The following VPS13B variants were observed in gnomAD, a reference collection of about 807,000 sequenced individuals.
VPS13B encodes the protein vacuolar protein sorting 13 homolog B, also known as intermembrane lipid transfer protein VPS13B.
In VPS13B, 285 loss-of-function variants were observed where a neutral mutation model predicts 426.4. The observed-to-expected ratio is 0.67, with a 90% confidence interval of 0.61 to 0.74. The LOEUF (loss-of-function observed/expected upper bound fraction) is 0.74, where lower values mean the gene tolerates loss of function less well. Among genes scored for constraint, VPS13B ranks in the 30% least tolerant of loss-of-function variants. VPS13B has a pLI of 0.00. For synonymous variants in VPS13B, 1,676 were observed against 1,676.4 expected, an observed-to-expected ratio of 1.00 and a Z score of 0.01; for missense variants, 4,537 against 4,782.6, an observed-to-expected ratio of 0.95 and a Z score of 1.51.
chr8:99,364,323 G>A (rs1026986673), intron 19 of VPS13B, among the ~76,000 whole-genome samples: 2 of 152,150 alleles, frequency 1.3e-5, no homozygotes, highest in Admixed American at 6.5e-5. Context: ...ACTTGGTCAT[G>A]ATGAATGTTT....
chr8:99,563,506 ATCAT>A (rs1825034544), intron 31 of VPS13B, among the ~76,000 whole-genome samples: 1 of 152,190 alleles, frequency 6.6e-6, no homozygotes, highest in African/African-American at 2.4e-5. Context: ...AAAATAGTCA[ATCAT>A]TCATTTCTCT....
intron 33 of VPS13B, among the ~76,000 whole-genome samples, chr8:99,588,858 G>A (rs1826444985): frequency 6.6e-6 from 1 of 151,778 alleles, no homozygotes; most frequent in African/African-American, 2.4e-5. Context: ...ATGTTGAATA[G>A]GAGTGGTGAG....
intron 19 of VPS13B, among the ~76,000 whole-genome samples, chr8:99,312,121 C>A (rs1182784263): frequency 6.6e-6 from 1 of 151,798 alleles, no homozygotes; most frequent in Non-Finnish European, 1.5e-5. Context: ...CTTGACTGTC[C>A]AATTTGCCAG....
At chr8:99,462,845 A>G (rs547841505) in intron 23 of VPS13B, among the ~76,000 whole-genome samples, 1 of 152,168 alleles carries the variant, frequency 6.6e-6, no homozygotes, top group Non-Finnish European at 1.5e-5. Context: ...GTGTGAGAAC[A>G]TGGCAAGAAG....
At chr8:99,542,943 C>G (rs1043361278) in intron 30 of VPS13B, among the ~76,000 whole-genome samples, 1 of 152,112 alleles carries the variant, frequency 6.6e-6, no homozygotes, top group Non-Finnish European at 1.5e-5. Context: ...ACTTTCTTCA[C>G]AGAATTGGAA....
chr8:99,168,459 A>T (rs1812142307), intron 15 of VPS13B, among the ~76,000 whole-genome samples: 1 of 152,090 alleles, frequency 6.6e-6, no homozygotes, highest in African/African-American at 2.4e-5. Context: ...AGGTAATATG[A>T]TGTGATAAAA....
In VPS13B at chr8:99,699,686, C is replaced by A; in HGVS notation, c.6208C>A (p.Leu2070Ile). The A allele has an allele frequency of 6.2e-7, 1 of 1,614,144 alleles. No individual in the cohort carries two copies. Among genetic ancestry groups the A allele is most frequent in the Non-Finnish European group, 8.5e-7 (1 of 1,180,030 alleles). The change falls in exon 36 of 62, where the codon CTT becomes ATT. Residue 2070 changes from leucine to isoleucine, a missense_variant. By Grantham distance (5) the Leu-to-Ile change is conservative. Coordinates refer to ENST00000357162, the MANE Select transcript of VPS13B (RefSeq NM_152564.5). ...MSNTMVNKDD[L>I]PVSKYYRGKL... is the part of the protein sequence containing the mutation. ...CAACACCATGGTGAATAAGGATGAT[C>A]TTCCAGTCTCCAAATATTACCGTGG...
At chr8:99,147,600 A>T (rs1001112832) in intron 13 of VPS13B, among the ~76,000 whole-genome samples, 8 of 152,080 alleles carry the variant, frequency 5.3e-5, no homozygotes, top group Non-Finnish European at 1.2e-4. Flanking sequence ...GAAATTGGGG[A>T]TTTCTTAAAG....
chr8:99,243,850 A>G (rs1817064787), intron 17 of VPS13B, among the ~76,000 whole-genome samples: 2 of 152,234 alleles, frequency 1.3e-5, no homozygotes, highest in Non-Finnish European at 2.9e-5. Context: ...TAATTTCTTC[A>G]AATTGCTCAC....
intron 17 of VPS13B, among the ~76,000 whole-genome samples, chr8:99,272,510 A>G (rs1240331475): frequency 2.0e-5 from 3 of 152,304 alleles, no homozygotes; most frequent in South Asian, 2.1e-4. Context: ...GATTAGAGTT[A>G]ATTGTCATTA....
chr8:99,329,041 C>G (rs891528936), intron 19 of VPS13B, among the ~76,000 whole-genome samples: 1 of 152,082 alleles, frequency 6.6e-6, no homozygotes, highest in African/African-American at 2.4e-5. Flanking sequence ...TGCTTCTTAG[C>G]TTACCACTAT....
chr8:99,016,586 C>CTTTTTTTT (rs754060289), intron 2 of VPS13B, among the ~76,000 whole-genome samples: 8 of 60,746 alleles, frequency 1.3e-4, no homozygotes, highest in Admixed American at 2.3e-4. Context: ...TATAGGAATT[C>CTTTTTTTT]TTTTTTTTTT....
intron 17 of VPS13B, among the ~76,000 whole-genome samples, chr8:99,213,841 G>T: frequency 1.3e-5 from 2 of 149,772 alleles, no homozygotes; most frequent in South Asian, 2.1e-4. Flanking sequence ...TTTTTGGCTG[G>T]GCCACATTCC....
At chr8:99,241,113 A>T (rs1816911360) in intron 17 of VPS13B, 1 of 152,234 alleles carries the variant, frequency 6.6e-6, no homozygotes, top group Non-Finnish European at 1.5e-5. Context: ...CACAGATGTA[A>T]AACTGCCAAC....
At chr8:99,020,904 G>A (rs1317392086) in intron 2 of VPS13B, among the ~76,000 whole-genome samples, 1 of 152,204 alleles carries the variant, frequency 6.6e-6, no homozygotes, top group Non-Finnish European at 1.5e-5. Flanking sequence ...TTTTTTAAGT[G>A]TTAGGAAGAA....
At chr8:99,478,759 A>AT (rs1819881653) in intron 24 of VPS13B, among the ~76,000 whole-genome samples, 1 of 149,618 alleles carries the variant, frequency 6.7e-6, no homozygotes, top group Non-Finnish European at 1.5e-5. Context: ...CGAGCTCTTG[A>AT]TTTTTGTTTT....
At chr8:99,169,255 A>G (rs1173904189) in intron 15 of VPS13B, among the ~76,000 whole-genome samples, 1 of 151,860 alleles carries the variant, frequency 6.6e-6, no homozygotes, top group Non-Finnish European at 1.5e-5. Flanking sequence ...GTGTATTTCC[A>G]CTCTGAGGTG....
At position 99,789,810 on chromosome 8, in the gene VPS13B, A is replaced by G. The variant is rs150701837; in HGVS notation, c.7941+5334A>G. ...TCAGAAAAGCAGAATATGAAATTCT[A>G]TGTATACAATGTGATCATAACAACA... On this transcript the variant is annotated intron_variant, in intron 43 of 61. Transcript: ENST00000357162. Among the ~76,000 whole-genome samples, 842 of 152,260 alleles carry G rather than the reference A, an allele frequency of 5.5e-3. 7 individuals are homozygous for G. The highest frequency in any genetic ancestry group is 8.8e-3 in the Admixed American group (135 of 15,284).
intron 2 of VPS13B, among the ~76,000 whole-genome samples, chr8:99,017,076 A>G (rs1276181670): frequency 6.6e-6 from 1 of 152,050 alleles, no homozygotes; most frequent in Non-Finnish European, 1.5e-5. Flanking sequence ...CTTGTTTAAG[A>G]AATCTTAGCT....
Sources: gnomAD v4.1 joint callset for allele counts (sites outside exome capture counted in the v4.1 genomes callset) on GRCh38, gnomAD v4.1.1 for gene constraint, MANE v1.5 for transcripts, NCBI Gene and HGNC (gene_info 2026-07-23, HGNC 2026-07-21) for gene names.